Variants in TET2 observed in about 807,000 individuals in gnomAD.
The protein encoded by TET2 is methylcytosine dioxygenase TET2.
In TET2, 299 loss-of-function variants were observed where a neutral mutation model predicts 142.9. That is an observed-to-expected ratio of 2.09 (90% CI 1.90 to 2.30). The LOEUF (loss-of-function observed/expected upper bound fraction) is 2.30, where lower values mean the gene tolerates loss of function less well. TET2 is among the 30% of genes most tolerant of loss of function. TET2 has a pLI of 0.00. For missense variants in TET2, 2,418 were observed against 2,378.0 expected (o/e 1.02, Z -0.35); for synonymous variants, 819 against 849.0 (o/e 0.96, Z 0.61).
intron 1 of TET2, among the ~76,000 whole-genome samples, chr4:105,156,596 ATC>A (rs1028617160): frequency 6.6e-6 from 1 of 152,182 alleles, no homozygotes; most frequent in Non-Finnish European, 1.5e-5. Context: ...ACATTCACCC[ATC>A]TCTCAAATGG....
At chr4:105,220,269 A>G (rs991477228) in intron 2 of TET2, among the ~76,000 whole-genome samples, 2 of 152,160 alleles carry the variant, frequency 1.3e-5, no homozygotes, top group African/African-American at 4.8e-5. Flanking sequence ...TATAAAAATG[A>G]AAGTATTTTT....
chr4:105,187,235 A>AT (rs1464082473), intron 1 of TET2, among the ~76,000 whole-genome samples: 1 of 152,188 alleles, frequency 6.6e-6, no homozygotes, highest in African/African-American at 2.4e-5. Flanking sequence ...ATAAAGTTAT[A>AT]TTTTTTACTT....
At chr4:105,153,174 C>A (rs889688407) in intron 1 of TET2, among the ~76,000 whole-genome samples, 1 of 152,156 alleles carries the variant, frequency 6.6e-6, no homozygotes, top group Non-Finnish European at 1.5e-5. Context: ...TGCTCAATTT[C>A]CCCCAGTGGC....
At chr4:105,158,592 C>T (rs139467378) in intron 1 of TET2, among the ~76,000 whole-genome samples, 301 of 152,114 alleles carry the variant, frequency 2.0e-3, no homozygotes, top group African/African-American at 7.0e-3. Context: ...TAGTGTATAT[C>T]TCTGGTTTTT....
At chr4:105,200,819 C>T (rs1726418365) in intron 2 of TET2, among the ~76,000 whole-genome samples, 1 of 152,002 alleles carries the variant, frequency 6.6e-6, no homozygotes, top group Admixed American at 6.6e-5. Flanking sequence ...CACCACCATG[C>T]CCAGCTAATT....
In TET2 at chr4:105,276,208, G is replaced by T. The variant is rs1731215469; in HGVS notation, c.5698G>T (p.Val1900Phe). 2 of 1,551,564 alleles carry T rather than the reference G, an allele frequency of 1.3e-6. No homozygotes were observed. Among genetic ancestry groups the T allele is most frequent in the African/African-American group, 1.4e-5 (1 of 73,138 alleles). The change falls in exon 11 of 11, where the codon GTC (valine) becomes TTC (phenylalanine). Residue 1900 changes from valine to phenylalanine, a missense_variant. Coordinates refer to ENST00000380013, the MANE Select transcript of TET2 (RefSeq NM_001127208.3). ...NRNHPTRISLVFYQHKSMNEP... is the reference protein window; with the variant it reads ...NRNHPTRISLFFYQHKSMNEP... ...GAATCACCCCACCAGGATCTCCCTCGTCTTTTACCAGCATAAGAGCATGAA... is the reference window on the plus strand; with the variant it reads ...GAATCACCCCACCAGGATCTCCCTCTTCTTTTACCAGCATAAGAGCATGAA...
chr4:105,182,844 T>A (rs187743326), intron 1 of TET2, among the ~76,000 whole-genome samples: 9 of 152,304 alleles, frequency 5.9e-5, no homozygotes, highest in African/African-American at 2.2e-4. Context: ...GATGTTTATA[T>A]TCATGATATT....
At chr4:105,207,454 T>C (rs946072686) in intron 2 of TET2, among the ~76,000 whole-genome samples, 6 of 152,172 alleles carry the variant, frequency 3.9e-5, no homozygotes, top group Non-Finnish European at 7.3e-5. Flanking sequence ...TTGCATAGTT[T>C]CTTTGGGATA....
chr4:105,237,541 T>A, intron 3 of TET2, 190 bp downstream of exon 3: 1 of 1,548,544 alleles, frequency 6.5e-7, no homozygotes, highest in Non-Finnish European at 8.7e-7. Context: ...AGAACTTCAC[T>A]TACATGCAGT....
At chr4:105,247,714 C>CT (rs1206510081) in intron 6 of TET2, among the ~76,000 whole-genome samples, 2,922 of 65,292 alleles carry the variant, frequency 0.045, 171 homozygotes, top group East Asian at 0.07. Context: ...TTTTTCTTTT[C>CT]TTTTTTTTTT....
chr4:105,268,352 A>G (rs1244794893), intron 8 of TET2, among the ~76,000 whole-genome samples: 3 of 152,216 alleles, frequency 2.0e-5, no homozygotes, highest in African/African-American at 7.2e-5. Flanking sequence ...ATAAGATTAT[A>G]TACTGGAAAC....
rs202056948 is a variant in TET2 at position 105,240,276 on chromosome 4, CTG to C, written c.3410-1060_3410-1059del. 2.2e-4 allele frequency: 208 copies of C among 948,928 alleles called. 1 individual carries two copies. The African/African-American group carries it at 3.2e-3, about 15-fold the overall frequency. The allele number at this position is 948,928 out of a possible 1,614,324, so 58.8% of individuals were successfully genotyped here. ...CTTCAGTTTGTAAAAGTCACAGTAACTGTGACTCACAAAAGAACAAAGCACAA... is the reference window on the plus strand; with the variant it reads ...CTTCAGTTTGTAAAAGTCACAGTAACTGACTCACAAAAGAACAAAGCACAA... On this transcript the variant is annotated intron_variant, in intron 3 of 10. Transcript: ENST00000380013.
intron 1 of TET2, among the ~76,000 whole-genome samples, chr4:105,162,405 C>T (rs1723900820): frequency 6.6e-6 from 1 of 152,218 alleles, no homozygotes; most frequent in Non-Finnish European, 1.5e-5. Flanking sequence ...TAAGAAAGCA[C>T]TGGCCTGACT....
At chr4:105,210,217 G>A (rs1727077369) in intron 2 of TET2, among the ~76,000 whole-genome samples, 2 of 152,118 alleles carry the variant, frequency 1.3e-5, no homozygotes, top group Admixed American at 6.6e-5. Context: ...TCTGCTGAAG[G>A]TTAGAAGTAT....
At position 105,275,189 on chromosome 4, in the gene TET2, AT is replaced by A; in HGVS notation, c.4681del (p.Ser1561LeufsTer10). 1 of 1,552,272 alleles carries A rather than the reference AT, an allele frequency of 6.4e-7. No homozygotes were observed. The highest frequency in any genetic ancestry group is 8.7e-7 in the Non-Finnish European group (1 of 1,147,114). On this transcript the variant is annotated frameshift_variant, in exon 11 of 11. Coordinates refer to ENST00000380013, the MANE Select transcript of TET2 (RefSeq NM_001127208.3). LOFTEE classifies it low-confidence loss of function (END_TRUNC). Reference sequence around the variant, plus strand: ...CCTCAGACAGAGTCTGTCAACTCTTATTCTGCTTCTGGATCCACCAATCCAT... The same window carrying A: ...CCTCAGACAGAGTCTGTCAACTCTTATCTGCTTCTGGATCCACCAATCCAT... Reference protein sequence around the residue: ...HHPQTESVNSYSASGSTNPYM... With the variant: ...HHPQTESVNSXSASGSTNPYM...
At chr4:105,252,431 T>C (rs1729916324) in intron 6 of TET2, among the ~76,000 whole-genome samples, 2 of 152,226 alleles carry the variant, frequency 1.3e-5, no homozygotes, top group Non-Finnish European at 2.9e-5. Flanking sequence ...GTGAAAGACA[T>C]CTTAGTTGCT....
intron 1 of TET2, among the ~76,000 whole-genome samples, chr4:105,167,001 C>T (rs141089535): frequency 8.5e-5 from 13 of 152,118 alleles, no homozygotes; most frequent in African/African-American, 2.9e-4. Flanking sequence ...TACTTTTCTT[C>T]CATTGTACCT....
At chr4:105,184,075 G>A (rs564458778) in intron 1 of TET2, among the ~76,000 whole-genome samples, 15 of 152,248 alleles carry the variant, frequency 9.9e-5, no homozygotes, top group Admixed American at 5.2e-4. Flanking sequence ...GACCAGTGAG[G>A]TCAAGTATTA....
chr4:105,219,576 G>T (rs953256), intron 2 of TET2, among the ~76,000 whole-genome samples: 1 of 152,090 alleles, frequency 6.6e-6, no homozygotes, highest in Non-Finnish European at 1.5e-5. Flanking sequence ...GTCCCCTGGG[G>T]ATGTGACAAT....
Sources: gnomAD v4.1 joint callset for allele counts (sites outside exome capture counted in the v4.1 genomes callset) on GRCh38, gnomAD v4.1.1 for gene constraint, MANE v1.5 for transcripts, NCBI Gene and HGNC (gene_info 2026-07-23, HGNC 2026-07-21) for gene names.